ITGA9: variants seen among roughly 807,000 people sequenced by gnomAD.
ITGA9 encodes the protein integrin subunit alpha 9.
In ITGA9, 56 loss-of-function variants were observed where a neutral mutation model predicts 127.8. The observed-to-expected ratio is 0.44, with a 90% CI of 0.35 to 0.55. The LOEUF (loss-of-function observed/expected upper bound fraction) is 0.55. Ranked by LOEUF, ITGA9 falls within the 20% of genes least tolerant of loss-of-function variation. The pLI, the probability that ITGA9 is intolerant of heterozygous loss-of-function variation, is 0.00. For missense variants in ITGA9, 1,196 were observed against 1,347.1 expected (o/e 0.89, Z 1.76); for synonymous variants, 508 against 514.5 (o/e 0.99, Z 0.17).
chr3:37,795,261 C>T (rs1697158039), intron 26 of ITGA9, among the ~76,000 whole-genome samples: 1 of 152,216 alleles, frequency 6.6e-6, no homozygotes, highest in South Asian at 2.1e-4. Flanking sequence ...TGGAAGCCCT[C>T]CATCCAGCAG....
chr3:37,510,914 G>A (rs1698898350), intron 8 of ITGA9, among the ~76,000 whole-genome samples: 1 of 152,098 alleles, frequency 6.6e-6, no homozygotes, highest in Non-Finnish European at 1.5e-5. Flanking sequence ...TTTTGAAATA[G>A]GCCATGACCT....
chr3:37,637,413 C>T (rs1389443395), intron 16 of ITGA9, among the ~76,000 whole-genome samples: 1 of 152,046 alleles, frequency 6.6e-6, no homozygotes, highest in Non-Finnish European at 1.5e-5. Context: ...TGGGAGTTCA[C>T]TCATGATTTG....
chr3:37,772,482 T>C (rs1208507318), intron 23 of ITGA9, among the ~76,000 whole-genome samples: 1 of 151,954 alleles, frequency 6.6e-6, no homozygotes, highest in Non-Finnish European at 1.5e-5. Context: ...AATGTTAATG[T>C]GTGGAAAGCA....
intron 17 of ITGA9, 133 bp from the exon 18 acceptor site, chr3:37,683,732 G>A (rs777540377): frequency 5.8e-6 from 5 of 860,428 alleles, no homozygotes; most frequent in Non-Finnish European, 9.6e-6. Flanking sequence ...AGGACACATG[G>A]CTAGTTAATG....
At chr3:37,636,592 C>T (rs1700281244) in intron 16 of ITGA9, among the ~76,000 whole-genome samples, 1 of 152,162 alleles carries the variant, frequency 6.6e-6, no homozygotes, top group Non-Finnish European at 1.5e-5. Flanking sequence ...TGCCTGTTCA[C>T]TCTGATGGTA....
At chr3:37,466,566 C>T (rs2125550635) in intron 1 of ITGA9, among the ~76,000 whole-genome samples, 1 of 147,920 alleles carries the variant, frequency 6.8e-6, no homozygotes, top group African/African-American at 2.5e-5. Flanking sequence ...GAGGAGAGAG[C>T]CTTGCTTCTC....
At chr3:37,765,162 C>T (rs1696766075) in intron 23 of ITGA9, among the ~76,000 whole-genome samples, 1 of 152,000 alleles carries the variant, frequency 6.6e-6, no homozygotes, top group Non-Finnish European at 1.5e-5. Context: ...ACACAGTCAC[C>T]CCTTGTATCT....
At chr3:37,638,407 C>A (rs146605700) in intron 16 of ITGA9, among the ~76,000 whole-genome samples, 2 of 143,944 alleles carry the variant, frequency 1.4e-5, no homozygotes, top group East Asian at 4.0e-4. Flanking sequence ...GAGAGAAGTT[C>A]TGGGAGAGCA....
chr3:37,710,416 A>G (rs1271971314), intron 18 of ITGA9, among the ~76,000 whole-genome samples: 1 of 151,656 alleles, frequency 6.6e-6, no homozygotes, highest in East Asian at 1.9e-4. Flanking sequence ...CCCCACACAC[A>G]TAAATAGAGA....
At chr3:37,649,607 A>G (rs1002848600) in intron 16 of ITGA9, among the ~76,000 whole-genome samples, 2 of 152,230 alleles carry the variant, frequency 1.3e-5, no homozygotes, top group Non-Finnish European at 1.5e-5. Flanking sequence ...TGATAGCACT[A>G]TAATAATAGG....
intron 15 of ITGA9, among the ~76,000 whole-genome samples, chr3:37,624,891 GCCACCATGCC>G (rs1246329776): frequency 2.0e-5 from 3 of 152,172 alleles, no homozygotes; most frequent in Non-Finnish European, 2.9e-5. Context: ...ACAGACGTGA[GCCACCATGCC>G]CAGCCAAGAG....
chr3:37,636,390 G>A (rs1176867898), intron 16 of ITGA9, among the ~76,000 whole-genome samples: 2 of 152,234 alleles, frequency 1.3e-5, no homozygotes, highest in Non-Finnish European at 2.9e-5. Context: ...CACTGATGAT[G>A]AGCATTTCTT....
At chr3:37,503,880 A>G (rs1698814445) in intron 6 of ITGA9, among the ~76,000 whole-genome samples, 1 of 152,252 alleles carries the variant, frequency 6.6e-6, no homozygotes, top group Admixed American at 6.5e-5. Context: ...ATGCCAATTT[A>G]AGAACAGACA....
chr3:37,736,521 A>G (rs1696364655), intron 19 of ITGA9, among the ~76,000 whole-genome samples: 1 of 152,230 alleles, frequency 6.6e-6, no homozygotes, highest in African/African-American at 2.4e-5. Flanking sequence ...TTGTTCTTTT[A>G]AAACAATCTT....
At chr3:37,660,566 G>A (rs911563921) in intron 17 of ITGA9, among the ~76,000 whole-genome samples, 3 of 152,204 alleles carry the variant, frequency 2.0e-5, no homozygotes, top group Non-Finnish European at 4.4e-5. Flanking sequence ...CCTTTCAAGT[G>A]TGGTCAGAGC....
intron 15 of ITGA9, among the ~76,000 whole-genome samples, chr3:37,591,097 GC>G (rs776687990): frequency 3.3e-5 from 5 of 152,132 alleles, no homozygotes; most frequent in Non-Finnish European, 7.4e-5. Flanking sequence ...CACCCCTCCT[GC>G]CCCTGGGCTC....
rs73826590 is a variant in ITGA9 at position 37,492,965 on chromosome 3, C to G, written c.545-1536C>G. ...GATTTGTTCATTGCTTTGCACTAGTCTCACTCGCAGCCCTGGTGCAAGATT... is the reference window on the plus strand; with the variant it reads ...GATTTGTTCATTGCTTTGCACTAGTGTCACTCGCAGCCCTGGTGCAAGATT... On this transcript the variant is annotated intron_variant, in intron 4 of 27. Transcript: ENST00000264741. Among the ~76,000 whole-genome samples the G allele has an allele frequency of 2.0e-3, 301 of 152,328 alleles. 2 individuals are homozygous for G. The highest frequency in any genetic ancestry group is 6.8e-3 in the Middle Eastern group (2 of 294).
Position 37,452,219 on chromosome 3 carries a change from TCCGCGCCCCGGTGGCGGGCCCGACGC to T in ITGA9, c.-151_-126del, listed in dbSNP as rs1192804270. ...CCTTCAGCGCCCGCTCAGCCCGCCG[TCCGCGCCCCGGTGGCGGGCCCGACGC>T]CCGCATTCCGCCCGTGTCCAGGCGC... On this transcript the variant is annotated 5_prime_UTR_variant, in exon 1 of 28. Coordinates refer to ENST00000264741, the MANE Select transcript of ITGA9 (RefSeq NM_002207.3). The surrounding 1 kb of genome is among the most constrained non-coding windows in gnomAD (Gnocchi z 7.3). 54 of 214,708 alleles carry T rather than the reference TCCGCGCCCCGGTGGCGGGCCCGACGC, an allele frequency of 2.5e-4. No homozygotes were observed. The highest frequency in any genetic ancestry group is 1.2e-3 in the African/African-American group (49 of 42,246). The allele number at this position is 214,708 out of a possible 1,614,324, so 13.3% of individuals were successfully genotyped here. A position where few individuals can be genotyped will look rare whatever the true frequency, so the allele number is the denominator to read the frequency against.
At chr3:37,638,483 G>A (rs556855676) in intron 16 of ITGA9, among the ~76,000 whole-genome samples, 1 of 150,168 alleles carries the variant, frequency 6.7e-6, no homozygotes, top group Admixed American at 6.6e-5. Context: ...TAATCTTCCA[G>A]ATGTTGGCTC....
Sources: allele counts gnomAD v4.1 joint callset (sites outside exome capture counted in the v4.1 genomes callset), GRCh38; gene constraint gnomAD v4.1.1; non-coding constraint Gnocchi (gnomAD v3.1); transcripts MANE v1.5; gene names NCBI Gene and HGNC (gene_info 2026-07-23, HGNC 2026-07-21).